The following PPP1R36 variants were observed in gnomAD, a reference collection of about 807,000 sequenced individuals.
The protein encoded by PPP1R36 is chromosome 14 open reading frame 50.
A neutral mutation model predicts 53.4 loss-of-function variants in PPP1R36; 47 were observed. That is an observed-to-expected ratio of 0.88 (90% confidence interval 0.70 to 1.12). The LOEUF is 1.12. Among genes scored for constraint, PPP1R36 ranks in the 50% most tolerant of loss-of-function variants. PPP1R36 has a pLI of 0.00. For missense variants in PPP1R36, 456 were observed against 513.9 expected, an observed-to-expected ratio of 0.89 and a Z score of 1.09; for synonymous variants, 153 against 170.5, an observed-to-expected ratio of 0.90 and a Z score of 0.80.
At chr14:64,556,902 C>G (rs1250452873) in intron 3 of PPP1R36, among the ~76,000 whole-genome samples, 1 of 151,908 alleles carries the variant, frequency 6.6e-6, no homozygotes, top group Non-Finnish European at 1.5e-5. Flanking sequence ...GCAGCCTTGA[C>G]CTCCTGGGCT....
intron 7 of PPP1R36, among the ~76,000 whole-genome samples, chr14:64,568,715 A>G (rs781606693): frequency 6.6e-6 from 1 of 152,248 alleles, no homozygotes; most frequent in Non-Finnish European, 1.5e-5. Flanking sequence ...TCTGGTAAAC[A>G]TATCTTAAAA....
intron 8 of PPP1R36, among the ~76,000 whole-genome samples, chr14:64,584,858 T>G (rs548365261): frequency 6.6e-6 from 1 of 152,196 alleles, no homozygotes; most frequent in Non-Finnish European, 1.5e-5. Flanking sequence ...AAAGACTAGA[T>G]AGGATCATAC....
chr14:64,575,477 A>C (rs1466963978), intron 8 of PPP1R36, among the ~76,000 whole-genome samples: 4 of 151,266 alleles, frequency 2.6e-5, no homozygotes, highest in Non-Finnish European at 5.9e-5. Context: ...TTTTGTGTAC[A>C]TTTGCATAAT....
chr14:64,554,200 G>A (rs1325249076), intron 3 of PPP1R36, among the ~76,000 whole-genome samples: 1 of 129,528 alleles, frequency 7.7e-6, no homozygotes, highest in Non-Finnish European at 1.5e-5. Flanking sequence ...GGCTCAGGCT[G>A]GAGTGCAGTG....
chr14:64,579,573 G>T (rs1323767606), intron 8 of PPP1R36, among the ~76,000 whole-genome samples: 2 of 152,180 alleles, frequency 1.3e-5, no homozygotes. Flanking sequence ...CATCTTTACA[G>T]TTTCCTACTC....
chr14:64,564,744 A>G lies in PPP1R36; in HGVS notation c.183-7A>G, dbSNP rs755716189. ...TGAAGTCCCTAATTATCTCATTTTT[A>G]TTGCAGTTTTACACCTGCAGCAGAA... On this transcript the variant is annotated splice_polypyrimidine_tract_variant and splice_region_variant and intron_variant, in intron 3 of 11. Transcript: ENST00000298705. 2 of 1,595,230 alleles carry G rather than the reference A, an allele frequency of 1.3e-6. No homozygotes were observed. The highest frequency in any genetic ancestry group is 1.8e-5 in the Admixed American group (1 of 56,464).
Position 64,565,699 on chromosome 14 carries a change from AT to A in PPP1R36, c.434+9del. On this transcript the variant is annotated splice_region_variant and intron_variant, in intron 6 of 11. Coordinates refer to ENST00000298705, the MANE Select transcript of PPP1R36 (RefSeq NM_172365.3). ...CTTTTACAACATTTATGAGGTATCT[AT>A]TGCTTATGAGTCATTTTAGATCTTT... The A allele has an allele frequency of 6.3e-7, 1 of 1,592,968 alleles. No homozygotes were observed. Among genetic ancestry groups the A allele is most frequent in the East Asian group, 2.2e-5 (1 of 44,774 alleles).
At chr14:64,558,665 C>T (rs1415945775) in intron 3 of PPP1R36, among the ~76,000 whole-genome samples, 1 of 149,012 alleles carries the variant, frequency 6.7e-6, no homozygotes, top group East Asian at 2.0e-4. Context: ...AATGGAGTCT[C>T]GCTCTGTTGC....
intron 3 of PPP1R36, among the ~76,000 whole-genome samples, chr14:64,558,247 CA>C (rs1260144867): frequency 6.6e-6 from 1 of 152,056 alleles, no homozygotes; most frequent in Non-Finnish European, 1.5e-5. Context: ...ACAGTGGTTA[CA>C]GGTGAGAATC....
chr14:64,566,787 C>T (rs541560012), intron 6 of PPP1R36, among the ~76,000 whole-genome samples: 1 of 152,318 alleles, frequency 6.6e-6, no homozygotes, highest in South Asian at 2.1e-4. Flanking sequence ...CCACCACAGG[C>T]ACACACTCAG....
chr14:64,588,318 C>G (rs1402096638), intron 11 of PPP1R36, 23 bp downstream of exon 11: 1 of 1,576,390 alleles, frequency 6.3e-7, no homozygotes, highest in South Asian at 1.2e-5. Flanking sequence ...GCAAGAGAAG[C>G]ATGAGTGCCT....
At chr14:64,550,759 G>T (rs2080087846) in intron 1 of PPP1R36, among the ~76,000 whole-genome samples, 162 bp from the exon 2 acceptor site, 1 of 152,164 alleles carries the variant, frequency 6.6e-6, no homozygotes, top group African/African-American at 2.4e-5. Context: ...CACTCTTACT[G>T]AAAGTGTAAA....
intron 7 of PPP1R36, among the ~76,000 whole-genome samples, chr14:64,568,816 A>G (rs1162824132): frequency 6.6e-6 from 1 of 152,200 alleles, no homozygotes; most frequent in Non-Finnish European, 1.5e-5. Context: ...AGTAGTTGAT[A>G]TATCAAGTTA....
At chr14:64,579,242 C>T (rs987064757) in intron 8 of PPP1R36, among the ~76,000 whole-genome samples, 2 of 152,044 alleles carry the variant, frequency 1.3e-5, no homozygotes, top group Non-Finnish European at 2.9e-5. Context: ...AACAAACCTT[C>T]ACATGTACCC....
chr14:64,550,743 A>G (rs1196508765), intron 1 of PPP1R36, among the ~76,000 whole-genome samples, 178 bp from the exon 2 acceptor site: 1 of 152,164 alleles, frequency 6.6e-6, no homozygotes, highest in East Asian at 1.9e-4. Context: ...ACGCTTTAGG[A>G]TTCTACACTC....
intron 3 of PPP1R36, among the ~76,000 whole-genome samples, chr14:64,556,819 A>C (rs935092652): frequency 2.7e-5 from 4 of 145,600 alleles, no homozygotes; most frequent in African/African-American, 1.0e-4. Flanking sequence ...TTTTTATGTT[A>C]TTTTAGAATT....
chr14:64,573,046 A>G (rs2080315234), intron 7 of PPP1R36, among the ~76,000 whole-genome samples: 1 of 152,138 alleles, frequency 6.6e-6, no homozygotes, highest in Non-Finnish European at 1.5e-5. Flanking sequence ...AGTCAGTCCA[A>G]TGGTTATATC....
rs994992392 is a variant in PPP1R36, at chr14:64,567,364, T to G, written c.435-985T>G. 6.4e-4 allele frequency among the ~76,000 whole-genome samples: 98 copies of G among 152,302 alleles called. 1 individual carries two copies. Among genetic ancestry groups the G allele is most frequent in the African/African-American group, 2.2e-3 (92 of 41,570 alleles). On this transcript the variant is annotated intron_variant, in intron 6 of 11. Coordinates refer to ENST00000298705, the MANE Select transcript of PPP1R36 (RefSeq NM_172365.3). ...AATTTCACTTCTGTCTATAATATTT[T>G]TAAAAAAACCAAATACCCACAATAG...
At chr14:64,562,971 A>T (rs547296579) in intron 3 of PPP1R36, among the ~76,000 whole-genome samples, 1 of 152,028 alleles carries the variant, frequency 6.6e-6, no homozygotes, top group South Asian at 2.1e-4. Flanking sequence ...GGTTCAAGCA[A>T]TTCTCCTGCC....
Sources: gnomAD v4.1 joint callset for allele counts (sites outside exome capture counted in the v4.1 genomes callset) on GRCh38, gnomAD v4.1.1 for gene constraint, MANE v1.5 for transcripts, NCBI Gene and HGNC (gene_info 2026-07-23, HGNC 2026-07-21) for gene names.